R3HDM1: variants seen among roughly 807,000 people sequenced by gnomAD.
The protein encoded by R3HDM1 is R3H domain containing 1, also known as R3H domain-containing protein 1.
Under a neutral mutation model 141.1 loss-of-function variants are expected in R3HDM1, and 46 were observed. The ratio of observed to expected loss-of-function variants is 0.33; its 90% CI spans 0.26 to 0.42. R3HDM1 has a LOEUF of 0.42. Ranked by LOEUF, R3HDM1 falls within the 10% of genes least tolerant of loss-of-function variation. The pLI is 1.00. For missense variants in R3HDM1, 1,184 were observed against 1,368.3 expected, an observed-to-expected ratio of 0.87 and a Z score of 2.12; for synonymous variants, 435 against 472.9, an observed-to-expected ratio of 0.92 and a Z score of 1.04.
intron 1 of R3HDM1, chr2:135,590,484 A>G (rs1329037089): frequency 1.1e-6 from 1 of 901,562 alleles, no homozygotes; most frequent in East Asian, 1.2e-4. Context: ...AATATGAATA[A>G]CTACTAAAAC....
intron 1 of R3HDM1, among the ~76,000 whole-genome samples, chr2:135,568,194 C>G (rs981015863): frequency 3.3e-5 from 5 of 151,958 alleles, no homozygotes; most frequent in African/African-American, 1.2e-4. Context: ...GTAGCTGGGA[C>G]TATAGGCACA....
rs564142099 is a variant in R3HDM1 at position 135,582,502 on chromosome 2, C to T, written c.-249-19998C>T. ...GCTTCCAGAGTTGAAATGCCTTGGT[C>T]GTTTTGTGTCCCTGGGCTGTTGGCA... On this transcript the variant is annotated intron_variant, in intron 1 of 26. Transcript: ENST00000683871. Among the ~76,000 whole-genome samples, 34 of 152,162 alleles carry T rather than the reference C, an allele frequency of 2.2e-4. No homozygotes were observed. In the South Asian group the frequency reaches 5.8e-3, roughly 26 times the overall value.
In R3HDM1 at chr2:135,602,548, C is replaced by T. The variant is rs536504895; in HGVS notation, c.-201C>T. ...TGATCCAAGACAGTCCATTCCAGTC[C>T]GGGAATCTACAGTGGTGACAAGGAC... On this transcript the variant is annotated 5_prime_UTR_variant, in exon 2 of 27. Coordinates refer to ENST00000683871, the MANE Select transcript of R3HDM1 (RefSeq NM_001378107.1). The T allele has an allele frequency of 1.0e-5, 15 of 1,470,212 alleles. No homozygotes were observed. The highest frequency in any genetic ancestry group is 1.4e-5 in the South Asian group (1 of 69,578). 91.1% of individuals were successfully genotyped at this position (1,470,212 alleles called of 1,614,324 possible). A position where few individuals can be genotyped will look rare whatever the true frequency, so the allele number is the denominator to read the frequency against.
At chr2:135,583,988 TG>T (rs1707333630) in intron 1 of R3HDM1, 2 of 985,400 alleles carry the variant, frequency 2.0e-6, no homozygotes, top group Non-Finnish European at 2.4e-6. Flanking sequence ...CATTCCAAAA[TG>T]GATAGCACAA....
intron 3 of R3HDM1, among the ~76,000 whole-genome samples, chr2:135,611,121 T>TA (rs879886168): frequency 4.7e-4 from 62 of 132,096 alleles, no homozygotes; most frequent in Middle Eastern, 8.0e-3. Flanking sequence ...AAATAAAATT[T>TA]AAAAAAAAAA....
chr2:135,616,018 T>C (rs1027981407), intron 3 of R3HDM1, 134 bp from the exon 4 acceptor site: 55 of 770,528 alleles, frequency 7.1e-5, no homozygotes, highest in Middle Eastern at 3.3e-4. Context: ...ACTCCTTTAC[T>C]GAAACCAACT....
intron 21 of R3HDM1, among the ~76,000 whole-genome samples, chr2:135,696,875 A>G (rs927964243): frequency 1.3e-5 from 2 of 152,232 alleles, no homozygotes; most frequent in Non-Finnish European, 2.9e-5. Context: ...TAAAAACAAG[A>G]GTAAGAATTT....
At chr2:135,641,213 A>G (rs2063757186) in intron 14 of R3HDM1, among the ~76,000 whole-genome samples, 1 of 152,182 alleles carries the variant, frequency 6.6e-6, no homozygotes, top group African/African-American at 2.4e-5. Context: ...GTGTTAATCT[A>G]AAAGGTAAAA....
At chr2:135,590,581 T>C in intron 1 of R3HDM1, 1 of 985,442 alleles carries the variant, frequency 1.0e-6, no homozygotes, top group Non-Finnish European at 1.2e-6. Context: ...TTTTGTGTTT[T>C]GTGCAAAGCC....
At chr2:135,623,570 A>G (rs935062659) in intron 7 of R3HDM1, among the ~76,000 whole-genome samples, 7 of 152,226 alleles carry the variant, frequency 4.6e-5, no homozygotes, top group African/African-American at 1.7e-4. Flanking sequence ...GAATTACCAA[A>G]ATGAAGTGGT....
At chr2:135,548,423 A>G (rs1699184736) in intron 1 of R3HDM1, among the ~76,000 whole-genome samples, 2 of 152,228 alleles carry the variant, frequency 1.3e-5, no homozygotes, top group Non-Finnish European at 2.9e-5. Context: ...TGCTTTTTAA[A>G]GGCACATATG....
Position 135,632,592 on chromosome 2 carries a change from G to A in R3HDM1, c.698+591G>A, listed in dbSNP as rs540425143. On this transcript the variant is annotated intron_variant, in intron 9 of 26. Coordinates refer to ENST00000683871, the MANE Select transcript of R3HDM1 (RefSeq NM_001378107.1). Reference sequence around the variant, plus strand: ...AGTGTTACGGAAGTAGATCATCATTGCTGTTACTTGGGAACAGAAGACCCA... The same window carrying A: ...AGTGTTACGGAAGTAGATCATCATTACTGTTACTTGGGAACAGAAGACCCA... Among the ~76,000 whole-genome samples the A allele has an allele frequency of 2.0e-5, 3 of 152,310 alleles. No homozygotes were observed. The South Asian group carries it at 6.2e-4, about 32-fold the overall frequency.
intron 15 of R3HDM1, among the ~76,000 whole-genome samples, chr2:135,643,360 T>C (rs914703202): frequency 1.3e-5 from 2 of 152,036 alleles, no homozygotes; most frequent in South Asian, 4.1e-4. Context: ...GCTTGATAGC[T>C]ATAGACTAGT....
chr2:135,533,037 T>C (rs59605931), intron 1 of R3HDM1, among the ~76,000 whole-genome samples: 39,946 of 152,148 alleles, frequency 0.26, 9,410 homozygotes, highest in African/African-American at 0.62. Flanking sequence ...TCTTCAGGGT[T>C]TGAGAAGACT....
intron 16 of R3HDM1, among the ~76,000 whole-genome samples, chr2:135,647,575 C>G (rs1559336901): frequency 6.6e-6 from 1 of 152,100 alleles, no homozygotes; most frequent in African/African-American, 2.4e-5. Flanking sequence ...TTGGGATATT[C>G]ATCAAATTTC....
At chr2:135,641,917 T>G in intron 15 of R3HDM1, 127 bp downstream of exon 15, 2 of 1,208,102 alleles carry the variant, frequency 1.7e-6, no homozygotes, top group Non-Finnish European at 2.2e-6. Context: ...TCCAAGAACT[T>G]TATAACAAAA....
chr2:135,645,437 A>G lies in R3HDM1; in HGVS notation c.1533A>G (p.Gln511=), dbSNP rs1388338858. 1.2e-6 allele frequency: 2 copies of G among 1,613,202 alleles called. No homozygotes were observed. The highest frequency in any genetic ancestry group is 1.7e-6 in the Non-Finnish European group (2 of 1,179,158). Residue 511 remains glutamine (Q), a synonymous_variant, in exon 16 of 27, where the codon CAA becomes CAG. Coordinates refer to ENST00000683871, the MANE Select transcript of R3HDM1 (RefSeq NM_001378107.1). The stretch of plus-strand genomic sequence containing the variant: ...TTGTGTATAATCCTCCTATGACTCA[A>G]CAACCAGTTAGATCCCAAGTGCCTG... ...SPVVYNPPMT[Q]QPVRSQVPGP...
chr2:135,616,284 A>C, intron 4 of R3HDM1, 91 bp downstream of exon 4: 2 of 1,251,866 alleles, frequency 1.6e-6, no homozygotes, highest in Non-Finnish European at 2.2e-6. Context: ...CATTCAGTTT[A>C]GTTCTTCCAT....
intron 18 of R3HDM1, among the ~76,000 whole-genome samples, chr2:135,654,426 T>TG (rs1307851607): frequency 1.2e-4 from 17 of 141,702 alleles, no homozygotes; most frequent in African/African-American, 2.5e-4. Context: ...GAATGTTTTC[T>TG]TTTGTTGTTG....
Sources: gnomAD v4.1 joint callset for allele counts (sites outside exome capture counted in the v4.1 genomes callset) on GRCh38, gnomAD v4.1.1 for gene constraint, MANE v1.5 for transcripts, NCBI Gene and HGNC (gene_info 2026-07-23, HGNC 2026-07-21) for gene names.